ABCB1: variants seen among roughly 807,000 people sequenced by gnomAD.
The protein encoded by ABCB1 is ATP-dependent translocase ABCB1.
Under a neutral mutation model 142.0 loss-of-function variants are expected in ABCB1, and 69 were observed. The ratio of observed to expected loss-of-function variants is 0.49; its 90% CI spans 0.40 to 0.59. ABCB1 has a LOEUF of 0.59. ABCB1 is among the 20% of genes least tolerant of loss of function. ABCB1 has a pLI of 0.00. For missense variants in ABCB1, 1,326 were observed against 1,554.7 expected (o/e 0.85, Z 2.47); for synonymous variants, 532 against 539.2 (o/e 0.99, Z 0.18).
chr7:87,579,061 TA>T (rs201863035), intron 4 of ABCB1, among the ~76,000 whole-genome samples: 2,045 of 152,350 alleles, frequency 0.013, 46 homozygotes, highest in African/African-American at 0.046. Context: ...CTGATTGTTG[TA>T]TGTTGATTTT....
At chr7:87,583,565 G>T (rs1157598497) in intron 4 of ABCB1, among the ~76,000 whole-genome samples, 2 of 152,110 alleles carry the variant, frequency 1.3e-5, no homozygotes, top group East Asian at 3.8e-4. Context: ...TAAATTACCA[G>T]CTGGCAAGCT....
At chr7:87,690,274 G>C (rs1408810800) in intron 1 of ABCB1, among the ~76,000 whole-genome samples, 1 of 151,976 alleles carries the variant, frequency 6.6e-6, no homozygotes, top group Non-Finnish European at 1.5e-5. Context: ...AGTTGTCACT[G>C]TTTAGTTGAT....
upstream of ABCB1, among the ~76,000 whole-genome samples, chr7:87,601,903 T>G (rs1819469777): frequency 6.6e-6 from 1 of 152,266 alleles, no homozygotes; most frequent in Non-Finnish European, 1.5e-5. Flanking sequence ...TTCAAAGCCA[T>G]AATTTTTTTC....
intron 1 of ABCB1, among the ~76,000 whole-genome samples, chr7:87,663,420 TAA>T (rs1362084434): frequency 6.6e-6 from 1 of 151,744 alleles, no homozygotes; most frequent in African/African-American, 2.4e-5. Context: ...CAATACTTAT[TAA>T]GCTTTCCCTA....
intron 1 of ABCB1, among the ~76,000 whole-genome samples, chr7:87,710,963 T>G (rs1301418877): frequency 6.6e-6 from 1 of 152,204 alleles, no homozygotes; most frequent in Non-Finnish European, 1.5e-5. Context: ...TGGATTTGAA[T>G]TTAAGTATGA....
intron 23 of ABCB1, among the ~76,000 whole-genome samples, chr7:87,518,224 T>G (rs1815336693): frequency 6.6e-6 from 1 of 152,222 alleles, no homozygotes; most frequent in Non-Finnish European, 1.5e-5. Context: ...ATACCGATAG[T>G]TAATCTTGGA....
chr7:87,661,113 T>G (rs1398094626), intron 1 of ABCB1, among the ~76,000 whole-genome samples: 5 of 152,000 alleles, frequency 3.3e-5, no homozygotes, highest in South Asian at 4.1e-4. Flanking sequence ...ATAGATTACA[T>G]TTTTAAAATT....
chr7:87,649,726 A>G (rs1823384075), intron 1 of ABCB1, among the ~76,000 whole-genome samples: 1 of 152,184 alleles, frequency 6.6e-6, no homozygotes, highest in Non-Finnish European at 1.5e-5. Context: ...TCCAAATCTC[A>G]TCTTGAATTG....
chr7:87,675,170 C>T (rs984128325), intron 1 of ABCB1, among the ~76,000 whole-genome samples: 3 of 152,182 alleles, frequency 2.0e-5, no homozygotes, highest in Non-Finnish European at 4.4e-5. Context: ...GCTTAGCCTC[C>T]CCATGCTGGG....
intron 27 of ABCB1, 114 bp from the exon 28 acceptor site, chr7:87,504,563 C>T: frequency 2.1e-6 from 3 of 1,399,110 alleles, no homozygotes; most frequent in Non-Finnish European, 3.0e-6. Context: ...AATCCCAGCA[C>T]TTTGGGAGGC....
chr7:87,689,721 ATGT>A (rs913259590), intron 1 of ABCB1, among the ~76,000 whole-genome samples: 1 of 152,014 alleles, frequency 6.6e-6, no homozygotes, highest in Non-Finnish European at 1.5e-5. Context: ...CATCTTTCTG[ATGT>A]TCTAATTTCA....
intron 4 of ABCB1, among the ~76,000 whole-genome samples, chr7:87,573,945 A>G (rs1349861022): frequency 6.6e-6 from 1 of 152,200 alleles, no homozygotes; most frequent in East Asian, 1.9e-4. Context: ...TTGGAGAGGA[A>G]ACTGAGCATG....
intron 25 of ABCB1, among the ~76,000 whole-genome samples, chr7:87,512,124 G>A (rs1408600567): frequency 6.6e-6 from 1 of 151,598 alleles, no homozygotes; most frequent in African/African-American, 2.4e-5. Flanking sequence ...CCAGTATTTG[G>A]TTATGATTTT....
intron 1 of ABCB1, among the ~76,000 whole-genome samples, chr7:87,666,451 CTG>C (rs2130487191): frequency 6.6e-6 from 1 of 152,166 alleles, no homozygotes; most frequent in African/African-American, 2.4e-5. Flanking sequence ...TCTCTTTACT[CTG>C]TGGATAGTTT....
At chr7:87,656,788 A>G (rs927629440) in intron 1 of ABCB1, among the ~76,000 whole-genome samples, 1 of 152,176 alleles carries the variant, frequency 6.6e-6, no homozygotes, top group Non-Finnish European at 1.5e-5. Context: ...TTCTAAACTT[A>G]TTTATCCATC....
At chr7:87,550,887 A>T (rs766678053) in intron 9 of ABCB1, 49 bp from the exon 10 acceptor site, 2 of 1,112,972 alleles carry the variant, frequency 1.8e-6, no homozygotes, top group Non-Finnish European at 2.8e-6. Flanking sequence ...AGTGACAGCA[A>T]TTTTTTTTCA....
At chr7:87,620,228 T>C (rs574514269) in intron 1 of ABCB1, among the ~76,000 whole-genome samples, 12 of 152,258 alleles carry the variant, frequency 7.9e-5, no homozygotes, top group South Asian at 4.2e-4. Flanking sequence ...TGGCACGATC[T>C]TGACTCACTG....
chr7:87,584,698 C>G (rs1436989161), intron 4 of ABCB1, among the ~76,000 whole-genome samples: 2 of 152,152 alleles, frequency 1.3e-5, no homozygotes, highest in Non-Finnish European at 2.9e-5. Context: ...ACTGAGAAAA[C>G]TAAAGTTATC....
chr7:87,509,085 G>T (rs758130123), intron 26 of ABCB1, among the ~76,000 whole-genome samples, 190 bp downstream of exon 26: 3 of 152,122 alleles, frequency 2.0e-5, no homozygotes, highest in Non-Finnish European at 4.4e-5. Context: ...TCACAAGGAG[G>T]GTCAGGTGAT....
Sources: allele counts gnomAD v4.1 joint callset (sites outside exome capture counted in the v4.1 genomes callset), GRCh38; gene constraint gnomAD v4.1.1; transcripts MANE v1.5; gene names NCBI Gene and HGNC (gene_info 2026-07-23, HGNC 2026-07-21).